LRRC7: variants seen among roughly 807,000 people sequenced by gnomAD.
The protein encoded by LRRC7 is leucine-rich repeat-containing protein 7.
A neutral mutation model predicts 175.7 loss-of-function variants in LRRC7; 23 were observed. The observed-to-expected ratio is 0.13, with a 90% confidence interval of 0.09 to 0.19. LRRC7 has a LOEUF of 0.19. Among genes scored for constraint, LRRC7 ranks in the 10% least tolerant of loss-of-function variants. LRRC7 has a pLI of 1.00. For synonymous variants in LRRC7, 685 were observed against 680.9 expected (o/e 1.01, Z -0.09); for missense variants, 1,354 against 1,904.7 (o/e 0.71, Z 5.38).
intron 1 of LRRC7, among the ~76,000 whole-genome samples, chr1:69,609,992 A>G (rs959428532): frequency 3.9e-5 from 6 of 152,048 alleles, no homozygotes; most frequent in African/African-American, 1.4e-4. Flanking sequence ...TCACCATTTT[A>G]TTACTCTTGT....
intron 8 of LRRC7, among the ~76,000 whole-genome samples, chr1:69,964,064 T>A (rs1269921848): frequency 6.6e-6 from 1 of 152,228 alleles, no homozygotes; most frequent in African/African-American, 2.4e-5. Flanking sequence ...TTCCCCAGAA[T>A]ACTCCTTTAC....
At chr1:69,628,622 T>A (rs1411218863) in intron 1 of LRRC7, among the ~76,000 whole-genome samples, 7 of 152,128 alleles carry the variant, frequency 4.6e-5, no homozygotes, top group Admixed American at 6.5e-5. Flanking sequence ...ATCAACAAAG[T>A]GTTTTTGAAG....
At chr1:69,790,475 T>C (rs548224811) in intron 3 of LRRC7, among the ~76,000 whole-genome samples, 7 of 152,104 alleles carry the variant, frequency 4.6e-5, no homozygotes, top group South Asian at 4.1e-4. Context: ...AACAAACAAA[T>C]TGTGTTTTGA....
intron 2 of LRRC7, among the ~76,000 whole-genome samples, chr1:69,707,123 TA>T (rs1664134376): frequency 6.6e-6 from 1 of 152,070 alleles, no homozygotes; most frequent in African/African-American, 2.4e-5. Flanking sequence ...GAGGAATAAA[TA>T]AAAAAAAGTT....
intron 5 of LRRC7, 64 bp from the exon 6 acceptor site, chr1:69,834,716 A>G: frequency 8.4e-7 from 1 of 1,195,022 alleles, no homozygotes; most frequent in Non-Finnish European, 1.2e-6. Context: ...AGAGATACAT[A>G]TTTTTTTTGT....
Position 69,710,991 on chromosome 1 carries a change from G to A in LRRC7, c.100+32513G>A, listed in dbSNP as rs868807240. ...GACTCCTAGGGCTTACTGCAAAAACGTTCTTTGCTCCACCCAGATCTCACA... is the reference window on the plus strand; with the variant it reads ...GACTCCTAGGGCTTACTGCAAAAACATTCTTTGCTCCACCCAGATCTCACA... On this transcript the variant is annotated intron_variant, in intron 2 of 26. Transcript: ENST00000651989. Among the ~76,000 whole-genome samples the A allele has an allele frequency of 2.6e-5, 4 of 152,070 alleles. No individual in the cohort carries two copies. In the South Asian group the frequency reaches 6.2e-4, roughly 24 times the overall value.
intron 7 of LRRC7, among the ~76,000 whole-genome samples, chr1:69,881,483 G>T (rs540210727): frequency 6.6e-6 from 1 of 152,008 alleles, no homozygotes; most frequent in Non-Finnish European, 1.5e-5. Flanking sequence ...TGTCACTTCC[G>T]TTTGAATTAT....
intron 10 of LRRC7, among the ~76,000 whole-genome samples, chr1:69,992,834 T>C (rs952862461): frequency 6.6e-6 from 1 of 152,132 alleles, no homozygotes; most frequent in Non-Finnish European, 1.5e-5. Context: ...TCCTCAAGGT[T>C]TTCTCTCCAT....
At chr1:70,087,394 C>A (rs1197645409) in intron 24 of LRRC7, among the ~76,000 whole-genome samples, 1 of 152,056 alleles carries the variant, frequency 6.6e-6, no homozygotes, top group Non-Finnish European at 1.5e-5. Flanking sequence ...AAAGATATAA[C>A]CCCAATTTTA....
intron 7 of LRRC7, among the ~76,000 whole-genome samples, chr1:69,882,788 A>G (rs1686767111): frequency 8.7e-6 from 1 of 114,468 alleles, no homozygotes; most frequent in African/African-American, 3.4e-5. Flanking sequence ...CACAGTATCC[A>G]GAGTGTGATA....
intron 7 of LRRC7, chr1:69,919,665 C>A: frequency 1.1e-6 from 1 of 938,544 alleles, no homozygotes; most frequent in Non-Finnish European, 1.7e-6. Flanking sequence ...TTTGAGTCTC[C>A]GGCCTCACAA....
chr1:69,797,469 G>A (rs1021945876), intron 4 of LRRC7, among the ~76,000 whole-genome samples: 2 of 152,196 alleles, frequency 1.3e-5, no homozygotes, highest in East Asian at 3.9e-4. Context: ...CCATTGTCCA[G>A]TTCTCTGTTA....
intron 8 of LRRC7, among the ~76,000 whole-genome samples, chr1:69,974,084 G>T (rs565352672): frequency 2.0e-5 from 3 of 152,182 alleles, no homozygotes; most frequent in Admixed American, 2.0e-4. Flanking sequence ...ATATAGCATA[G>T]TTTTTTGACT....
chr1:70,110,379 TA>T (rs1223482679), intron 26 of LRRC7, among the ~76,000 whole-genome samples: 1 of 151,982 alleles, frequency 6.6e-6, no homozygotes, highest in South Asian at 2.1e-4. Context: ...GAATCTGTCT[TA>T]AAAAAATAAA....
chr1:70,092,393 T>A (rs1029991583), intron 25 of LRRC7, among the ~76,000 whole-genome samples: 1 of 152,084 alleles, frequency 6.6e-6, no homozygotes, highest in African/African-American at 2.4e-5. Context: ...AATAAATAAG[T>A]CATTGATTAG....
chr1:70,027,860 G>A (rs559153050), intron 17 of LRRC7, among the ~76,000 whole-genome samples: 66 of 152,084 alleles, frequency 4.3e-4, no homozygotes, highest in Non-Finnish European at 7.1e-4. Context: ...GCTATAACTT[G>A]ATTAAATTTT....
At chr1:70,036,773 G>A (rs996389095) in intron 20 of LRRC7, 149 bp downstream of exon 20, 1 of 779,782 alleles carries the variant, frequency 1.3e-6, no homozygotes, top group Middle Eastern at 3.8e-4. Flanking sequence ...GTTCGCCTGG[G>A]ACTGCCAGGA....
chr1:69,913,596 C>T (rs1646598038), intron 7 of LRRC7, among the ~76,000 whole-genome samples: 1 of 152,074 alleles, frequency 6.6e-6, no homozygotes, highest in South Asian at 2.1e-4. Context: ...ACTGCAACCT[C>T]CACCTCCCGG....
At chr1:70,031,401 C>T (rs1381390099) in intron 18 of LRRC7, among the ~76,000 whole-genome samples, 2 of 152,166 alleles carry the variant, frequency 1.3e-5, no homozygotes, top group African/African-American at 4.8e-5. Context: ...CACACTTCAT[C>T]ACCTATGTGT....
Sources: gnomAD v4.1 joint callset for allele counts (sites outside exome capture counted in the v4.1 genomes callset) on GRCh38, gnomAD v4.1.1 for gene constraint, MANE v1.5 for transcripts, NCBI Gene and HGNC (gene_info 2026-07-23, HGNC 2026-07-21) for gene names.